CXXC1: variants seen among roughly 807,000 people sequenced by gnomAD.
The protein encoded by CXXC1 is CXXC finger protein 1, also known as CXXC-type zinc finger protein 1.
In CXXC1, 21 loss-of-function variants were observed where a neutral mutation model predicts 83.6. The ratio of observed to expected loss-of-function variants is 0.25; its 90% CI spans 0.18 to 0.36. The LOEUF (loss-of-function observed/expected upper bound fraction) is 0.36. CXXC1 is among the 10% of genes least tolerant of loss of function. The pLI is 1.00. For synonymous variants in CXXC1, 371 were observed against 337.5 expected (o/e 1.10, Z -1.09); for missense variants, 688 against 919.5 (o/e 0.75, Z 3.26).
At chr18:50,287,280 C>T in intron 1 of CXXC1, 1 of 520,996 alleles carries the variant, frequency 1.9e-6, no homozygotes, top group Non-Finnish European at 3.5e-6. Flanking sequence ...CTCCTCGTCA[C>T]GGCTCACTAC....
At chr18:50,286,297 G>C in intron 3 of CXXC1, 40 bp from the exon 4 acceptor site, 1 of 1,534,094 alleles carries the variant, frequency 6.5e-7, no homozygotes, top group Non-Finnish European at 8.8e-7. Flanking sequence ...GTGAGCACTG[G>C]ATGGCTTGAA....
Position 50,285,686 on chromosome 18 carries a change from TA to T in CXXC1, c.639+62del. Reference sequence around the variant, plus strand: ...TGGTTTATCCATGCCTAGACTTAACTAACCATGCATGGACCCACCAGCTCTC... The same window carrying T: ...TGGTTTATCCATGCCTAGACTTAACTACCATGCATGGACCCACCAGCTCTC... On this transcript the variant is annotated intron_variant, in intron 5 of 14. Transcript: ENST00000285106. The surrounding 1 kb of genome is among the most constrained non-coding windows in gnomAD (Gnocchi z 4.4). 1 of 1,567,616 alleles carries T rather than the reference TA, an allele frequency of 6.4e-7. No homozygotes were observed. The highest frequency in any genetic ancestry group is 2.2e-5 in the East Asian group (1 of 44,648).
intron 13 of CXXC1, 108 bp downstream of exon 13, chr18:50,283,157 C>T (rs1370038480): frequency 7.8e-7 from 1 of 1,287,218 alleles, no homozygotes; most frequent in Non-Finnish European, 1.1e-6. Flanking sequence ...AGCAGGGAAG[C>T]TGAGAGGAAA....
At chr18:50,286,315 A>C in intron 3 of CXXC1, 58 bp from the exon 4 acceptor site, 1 of 1,465,294 alleles carries the variant, frequency 6.8e-7, no homozygotes, top group African/African-American at 1.4e-5. Flanking sequence ...GAATGGTCCC[A>C]AAACCTCTTT....
intron 12 of CXXC1, 35 bp from the exon 13 acceptor site, chr18:50,283,396 G>A (rs1389192797): frequency 1.5e-5 from 24 of 1,601,260 alleles, no homozygotes; most frequent in Non-Finnish European, 2.0e-5. Context: ...AGTAGAGGGA[G>A]GGAAGGGAGG....
intron 8 of CXXC1, 83 bp from the exon 9 acceptor site, chr18:50,284,645 G>T: frequency 6.2e-7 from 1 of 1,606,422 alleles, no homozygotes. Context: ...AGCCCTTTCT[G>T]GCTCTTGCCC....
intron 1 of CXXC1, 36 bp downstream of exon 1, chr18:50,287,551 T>G (rs2040735514): frequency 6.2e-7 from 1 of 1,611,088 alleles, no homozygotes; most frequent in Non-Finnish European, 8.5e-7. Flanking sequence ...CCGACCGACC[T>G]CCACCGCCGA....
At position 50,284,466 on chromosome 18, in the gene CXXC1, G is replaced by A. The variant is rs2040680481; in HGVS notation, c.1117C>T (p.Pro373Ser). ...RADAKDPASL[P>S]QCLGPGCVRP... ...ACACAGCCGGGCCCCAGGCACTGGG[G>A]CAGTGACGCAGGGTCCTTGGCATCA... The change falls in exon 9 of 15, where the codon CCC becomes TCC. Residue 373 changes from proline (P) to serine (S), a missense_variant. This residue lies in a region of CXXC1 where 190 missense variants were observed against 199.7 expected (regional missense o/e 0.95). Coordinates refer to ENST00000285106, the MANE Select transcript of CXXC1 (RefSeq NM_014593.4). 4 of 1,608,614 alleles carry A rather than the reference G, an allele frequency of 2.5e-6. No individual in the cohort carries two copies. The highest frequency in any genetic ancestry group is 1.7e-4 in the Middle Eastern group (1 of 6,048).
In CXXC1 at chr18:50,285,931, G is replaced by A. The variant is rs766339686; in HGVS notation, c.460-3C>T. The A allele has an allele frequency of 6.2e-7, 1 of 1,613,964 alleles. No homozygotes were observed. Among genetic ancestry groups the A allele is most frequent in the South Asian group, 1.1e-5 (1 of 91,090 alleles). ...TGCTGCTGCTGCTGCTGGTGATGCT[G>A]CAGGAGGGGGCCCAGAACAGAAATC... On this transcript the variant is annotated splice_polypyrimidine_tract_variant and splice_region_variant and intron_variant, in intron 4 of 14. Transcript: ENST00000285106. The surrounding 1 kb of genome is among the most constrained non-coding windows in gnomAD (Gnocchi z 4.4).
In CXXC1 at chr18:50,285,481, G is replaced by A; in HGVS notation, c.640-130C>T. On this transcript the variant is annotated intron_variant, in intron 5 of 14. Transcript: ENST00000285106. The surrounding 1 kb of genome is among the most constrained non-coding windows in gnomAD (Gnocchi z 4.4). ...CCCGCTACCCCTCATTGCCAGGAAT[G>A]CTCAGCCCTGCCTGATCTGTACCAA... 8.4e-7 allele frequency: 1 copy of A among 1,184,166 alleles called. No homozygotes were observed. The highest frequency in any genetic ancestry group is 1.2e-6 in the Non-Finnish European group (1 of 852,438). 73.4% of individuals were successfully genotyped at this position (1,184,166 alleles called of 1,614,324 possible).
At position 50,283,689 on chromosome 18, in the gene CXXC1, A is replaced by G. The variant is rs1162355936; in HGVS notation, c.1524+16T>C. On this transcript the variant is annotated intron_variant, in intron 11 of 14. Transcript: ENST00000285106. ...ATGTTCCCACATGGTCCGCCCCCTCAGTCTGACACCCCAACCTTGGCGTAG... is the reference window on the plus strand; with the variant it reads ...ATGTTCCCACATGGTCCGCCCCCTCGGTCTGACACCCCAACCTTGGCGTAG... The G allele has an allele frequency of 1.2e-6, 2 of 1,613,308 alleles. No homozygotes were observed. Among genetic ancestry groups the G allele is most frequent in the East Asian group, 2.2e-5 (1 of 44,868 alleles).
At chr18:50,287,027 C>G in intron 1 of CXXC1, 169 bp from the exon 2 acceptor site, 1 of 613,370 alleles carries the variant, frequency 1.6e-6, no homozygotes, top group South Asian at 1.8e-5. Flanking sequence ...CCATCCCTTC[C>G]TCTGACATCC....
At position 50,286,848 on chromosome 18, in the gene CXXC1, C is replaced by A. The variant is rs762160231; in HGVS notation, c.14G>T (p.Gly5Val). The A allele has an allele frequency of 6.2e-6, 10 of 1,611,916 alleles. No homozygotes were observed. The South Asian group carries it at 1.1e-4, about 18-fold the overall frequency. Residue 5 changes from glycine (G) to valine (V), a missense_variant, in exon 2 of 15, where the codon GGT (glycine) becomes GTT (valine). By Grantham distance (109) the Gly-to-Val change is moderately radical. Coordinates refer to ENST00000285106, the MANE Select transcript of CXXC1 (RefSeq NM_014593.4). MEGD[G>V]SDPEPPDAGE... ...GGCATCTGGAGGCTCTGGGTCTGAA[C>A]CATCTCCCTCCTGCAGGACACCCCC...
chr18:50,286,578 C>T lies in CXXC1; in HGVS notation c.184G>A (p.Ala62Thr). ...GDCIRITEKM[A>T]KAIREWYCRE... is the part of the protein sequence containing the mutation. ...CAGTACCACTCCCGGATGGCCTTGG[C>T]CATCTTCTCAGTGATCCGGATGCAG... Residue 62 changes from alanine to threonine, a missense_variant, in exon 3 of 15, where the codon GCC becomes ACC. This residue lies in a region of CXXC1 where 142 missense variants were observed against 150.7 expected (regional missense o/e 0.94). Coordinates refer to ENST00000285106, the MANE Select transcript of CXXC1 (RefSeq NM_014593.4). 6.2e-7 allele frequency: 1 copy of T among 1,614,198 alleles called. No individual in the cohort carries two copies. The highest frequency in any genetic ancestry group is 8.5e-7 in the Non-Finnish European group (1 of 1,180,024).
rs529061801 is a variant in CXXC1, at chr18:50,282,446, G to A, written c.*147C>T. On this transcript the variant is annotated 3_prime_UTR_variant, in exon 15 of 15. Coordinates refer to ENST00000285106, the MANE Select transcript of CXXC1 (RefSeq NM_014593.4). The surrounding 1 kb of genome is among the most constrained non-coding windows in gnomAD (Gnocchi z 5.8). ...GGCACTGAACATGTCGACGGGGACA[G>A]TCCCTCTGATAAAGGCAGATGGGCG... 23 of 1,008,818 alleles carry A rather than the reference G, an allele frequency of 2.3e-5. No individual in the cohort carries two copies. In the East Asian group the frequency reaches 5.5e-4, roughly 24 times the overall value. The allele number at this position is 1,008,818 out of a possible 1,614,324, so 62.5% of individuals were successfully genotyped here.
In CXXC1 at chr18:50,285,499, T is replaced by G; in HGVS notation, c.640-148A>C. 1 of 1,089,226 alleles carries G rather than the reference T, an allele frequency of 9.2e-7. No individual in the cohort carries two copies. The highest frequency in any genetic ancestry group is 2.6e-5 in the East Asian group (1 of 38,536). The allele number at this position is 1,089,226 out of a possible 1,614,324, so 67.5% of individuals were successfully genotyped here. On this transcript the variant is annotated intron_variant, in intron 5 of 14. Coordinates refer to ENST00000285106, the MANE Select transcript of CXXC1 (RefSeq NM_014593.4). This position sits in a 1 kb window ranked among gnomAD's most constrained non-coding sequence, Gnocchi z 4.4. The stretch of plus-strand genomic sequence containing the variant: ...CAGGAATGCTCAGCCCTGCCTGATC[T>G]GTACCAACATGCATGACCACCTGAA...
chr18:50,285,687 A>C lies in CXXC1; in HGVS notation c.639+62T>G. 6.4e-7 allele frequency: 1 copy of C among 1,567,652 alleles called. No homozygotes were observed. On this transcript the variant is annotated intron_variant, in intron 5 of 14. Coordinates refer to ENST00000285106, the MANE Select transcript of CXXC1 (RefSeq NM_014593.4). This position sits in a 1 kb window ranked among gnomAD's most constrained non-coding sequence, Gnocchi z 4.4. Reference sequence around the variant, plus strand: ...GGTTTATCCATGCCTAGACTTAACTAACCATGCATGGACCCACCAGCTCTC... The same window carrying C: ...GGTTTATCCATGCCTAGACTTAACTCACCATGCATGGACCCACCAGCTCTC...
In CXXC1 at chr18:50,284,428, C is replaced by A; in HGVS notation, c.1155G>T (p.Gln385His). 1 of 1,586,764 alleles carries A rather than the reference C, an allele frequency of 6.3e-7. No individual in the cohort carries two copies. Among genetic ancestry groups the A allele is most frequent in the South Asian group, 1.1e-5 (1 of 87,140 alleles). Residue 385 changes from glutamine to histidine, a missense_variant, in exon 9 of 15, where the codon CAG (glutamine) becomes CAT (histidine). Gln to His is a conservative substitution (Grantham distance 24, BLOSUM62 0). This residue lies in a region of CXXC1 where 100 missense variants were observed against 142.5 expected (regional missense o/e 0.70). Transcript: ENST00000285106. The part of the protein sequence containing the change: ...CLGPGCVRPA[Q>H]PSSKYCSDDC... ...CATCTGAGCAATACTTGGAGCTGGGCTGGGCGGGGCGCACACAGCCGGGCC... is the reference window on the plus strand; with the variant it reads ...CATCTGAGCAATACTTGGAGCTGGGATGGGCGGGGCGCACACAGCCGGGCC...
Position 50,285,865 on chromosome 18 carries a change from A to G in CXXC1, c.523T>C (p.Cys175Arg). Residue 175 changes from cysteine (C) to arginine (R), a missense_variant, in exon 5 of 15, where the codon TGT becomes CGT. Transcript: ENST00000285106. This position sits in a 1 kb window ranked among gnomAD's most constrained non-coding sequence, Gnocchi z 4.4. ...SARMCGECEA[C>R]RRTEDCGHCD... Reference sequence around the variant, plus strand: ...TGACCACAGTCCTCAGTGCGCCGACATGCCTCACACTCACCACACATGCGG... The same window carrying G: ...TGACCACAGTCCTCAGTGCGCCGACGTGCCTCACACTCACCACACATGCGG... 1 of 1,614,194 alleles carries G rather than the reference A, an allele frequency of 6.2e-7. No homozygotes were observed. Among genetic ancestry groups the G allele is most frequent in the Non-Finnish European group, 8.5e-7 (1 of 1,180,028 alleles).
Sources: allele counts gnomAD v4.1 joint callset, GRCh38; gene constraint gnomAD v4.1.1; regional missense constraint gnomAD v4.1.1; non-coding constraint Gnocchi (gnomAD v3.1); transcripts MANE v1.5; gene names NCBI Gene and HGNC (gene_info 2026-07-23, HGNC 2026-07-21).